The following LRRC4C variants were observed in gnomAD, a reference collection of about 807,000 sequenced individuals.
The protein encoded by LRRC4C is leucine-rich repeat-containing protein 4C.
In LRRC4C, 5 loss-of-function variants were observed where a neutral mutation model predicts 33.6. The observed-to-expected ratio is 0.15, with a 90% CI of 0.08 to 0.31. The LOEUF is 0.31. LRRC4C is among the 10% of genes least tolerant of loss of function. The probability of loss-of-function intolerance (pLI) is 1.00; values close to 1 mark genes in which losing one functional copy is unlikely to be tolerated. For synonymous variants in LRRC4C, 329 were observed against 302.0 expected, an observed-to-expected ratio of 1.09 and a Z score of -0.93; for missense variants, 560 against 796.7, an observed-to-expected ratio of 0.70 and a Z score of 3.58.
At chr11:40,344,237 A>G (rs771501833) in intron 3 of LRRC4C, among the ~76,000 whole-genome samples, 1 of 152,294 alleles carries the variant, frequency 6.6e-6, no homozygotes, top group East Asian at 1.9e-4. Flanking sequence ...ATGAACATAC[A>G]TGCAAAAATC....
intron 2 of LRRC4C, among the ~76,000 whole-genome samples, chr11:40,779,006 T>C (rs115893189): frequency 1.3e-5 from 2 of 152,268 alleles, no homozygotes; most frequent in Admixed American, 6.5e-5. Context: ...TTGTTCTCTC[T>C]ACATTGTGGA....
At chr11:41,269,551 C>T (rs544499724) in intron 1 of LRRC4C, among the ~76,000 whole-genome samples, 3 of 152,042 alleles carry the variant, frequency 2.0e-5, no homozygotes, top group African/African-American at 7.2e-5. Context: ...CCTGGACCAC[C>T]AGGGAGAAGG....
intron 3 of LRRC4C, among the ~76,000 whole-genome samples, chr11:40,532,384 T>C (rs1956305882): frequency 6.6e-6 from 1 of 151,952 alleles, no homozygotes; most frequent in Admixed American, 6.6e-5. Context: ...ATTCAAATAA[T>C]AATAATTATT....
intron 1 of LRRC4C, among the ~76,000 whole-genome samples, chr11:41,047,725 T>C (rs1162677738): frequency 6.6e-6 from 1 of 152,212 alleles, no homozygotes; most frequent in Non-Finnish European, 1.5e-5. Flanking sequence ...TTTGGAACTG[T>C]GTATAATTAA....
intron 2 of LRRC4C, among the ~76,000 whole-genome samples, chr11:40,730,967 T>A (rs977445591): frequency 6.6e-6 from 1 of 152,112 alleles, no homozygotes; most frequent in Non-Finnish European, 1.5e-5. Context: ...GGGGTGGAAA[T>A]CTCATGGTGT....
chr11:40,697,761 T>C (rs1284953947), intron 2 of LRRC4C, among the ~76,000 whole-genome samples: 1 of 152,144 alleles, frequency 6.6e-6, no homozygotes, highest in Non-Finnish European at 1.5e-5. Flanking sequence ...TTTGTTCAAC[T>C]TCTCCTGCTG....
At chr11:41,117,670 C>T (rs886372452) in intron 1 of LRRC4C, among the ~76,000 whole-genome samples, 4 of 152,020 alleles carry the variant, frequency 2.6e-5, no homozygotes, top group East Asian at 1.9e-4. Flanking sequence ...TGTAGGATAT[C>T]GTGTTGTGAC....
chr11:40,172,857 T>C (rs1043736526), intron 5 of LRRC4C, among the ~76,000 whole-genome samples: 79 of 152,264 alleles, frequency 5.2e-4, no homozygotes, highest in African/African-American at 1.8e-3. Flanking sequence ...CTTACTGTAA[T>C]AGAATTTTTA....
chr11:40,258,308 A>G (rs530210541), intron 4 of LRRC4C, among the ~76,000 whole-genome samples: 10 of 152,276 alleles, frequency 6.6e-5, no homozygotes, highest in African/African-American at 1.9e-4. Context: ...GTCCACCTCA[A>G]AAAACAATTT....
intron 2 of LRRC4C, among the ~76,000 whole-genome samples, chr11:40,725,685 A>G (rs1356738927): frequency 6.6e-6 from 1 of 152,194 alleles, no homozygotes; most frequent in Non-Finnish European, 1.5e-5. Flanking sequence ...ATGCATAAAG[A>G]AACATGTTAT....
At chr11:40,511,321 T>C (rs1444982830) in intron 3 of LRRC4C, among the ~76,000 whole-genome samples, 4 of 152,090 alleles carry the variant, frequency 2.6e-5, no homozygotes, top group Non-Finnish European at 4.4e-5. Flanking sequence ...AAACTACTTA[T>C]CTACAAATAT....
chr11:40,914,436 A>G (rs946941067), intron 2 of LRRC4C, among the ~76,000 whole-genome samples: 3 of 152,214 alleles, frequency 2.0e-5, no homozygotes, highest in Non-Finnish European at 2.9e-5. Context: ...AAAAGAACCA[A>G]TGACAAAAAC....
chr11:40,901,997 TCTACACACACACACAC>T lies in LRRC4C; in HGVS notation c.-407+31622_-407+31637del, dbSNP rs1199969150. On this transcript the variant is annotated intron_variant, in intron 2 of 6. Coordinates refer to ENST00000528697, the MANE Select transcript of LRRC4C (RefSeq NM_001258419.2). ...AAAAGACAATCTCTCTCTCTCTCTC[TCTACACACACACACAC>T]ACACACACACACACACACACACACA... Among the ~76,000 whole-genome samples, 9 of 136,258 alleles carry T rather than the reference TCTACACACACACACAC, an allele frequency of 6.6e-5. No individual in the cohort carries two copies. In the East Asian group the frequency reaches 1.3e-3, roughly 19 times the overall value. The allele number at this position is 136,258 out of a possible 152,430, so 89.4% of individuals were successfully genotyped here. A position where few individuals can be genotyped will look rare whatever the true frequency, so the allele number is the denominator to read the frequency against.
At chr11:40,268,084 T>C (rs1942418721) in intron 4 of LRRC4C, among the ~76,000 whole-genome samples, 1 of 152,186 alleles carries the variant, frequency 6.6e-6, no homozygotes. Context: ...AGACCCTGTA[T>C]CCTTGTTATA....
intron 2 of LRRC4C, among the ~76,000 whole-genome samples, chr11:40,705,541 C>G (rs1191573560): frequency 6.6e-6 from 1 of 150,382 alleles, no homozygotes; most frequent in Non-Finnish European, 1.5e-5. Flanking sequence ...TGAACTCATT[C>G]TTTTTTATGC....
At chr11:41,106,386 T>C (rs1205082832) in intron 1 of LRRC4C, among the ~76,000 whole-genome samples, 1 of 151,948 alleles carries the variant, frequency 6.6e-6, no homozygotes, top group Non-Finnish European at 1.5e-5. Context: ...CATGAGGCAC[T>C]GTGCTAAGCA....
intron 2 of LRRC4C, among the ~76,000 whole-genome samples, chr11:40,718,283 T>A (rs984995968): frequency 6.6e-6 from 1 of 152,184 alleles, no homozygotes; most frequent in Non-Finnish European, 1.5e-5. Context: ...GCATCTTGTG[T>A]GTAGAAGCCA....
intron 2 of LRRC4C, among the ~76,000 whole-genome samples, chr11:40,853,773 T>C (rs1010496694): frequency 1.2e-4 from 18 of 152,150 alleles, no homozygotes; most frequent in African/African-American, 4.1e-4. Context: ...GAAGGAAATG[T>C]TACTTTAGTG....
chr11:40,222,469 T>G (rs141024199), intron 5 of LRRC4C, among the ~76,000 whole-genome samples: 85 of 152,332 alleles, frequency 5.6e-4, no homozygotes, highest in African/African-American at 1.9e-3. Flanking sequence ...GAGTTTACTG[T>G]CTAGCATAAT....
Sources: allele counts gnomAD v4.1 joint callset (sites outside exome capture counted in the v4.1 genomes callset), GRCh38; gene constraint gnomAD v4.1.1; transcripts MANE v1.5; gene names NCBI Gene and HGNC (gene_info 2026-07-23, HGNC 2026-07-21).